Variants in PPA2 observed in about 807,000 individuals in gnomAD.
PPA2 encodes the protein inorganic pyrophosphatase 2, mitochondrial.
In PPA2, 48 loss-of-function variants were observed where a neutral mutation model predicts 49.5. That is an observed-to-expected ratio of 0.97 (90% CI 0.77 to 1.23). The LOEUF is 1.23. Ranked by LOEUF, PPA2 falls within the 50% of genes most tolerant of loss-of-function variation. The pLI is 0.00. For synonymous variants in PPA2, 131 were observed against 139.9 expected, an observed-to-expected ratio of 0.94 and a Z score of 0.45; for missense variants, 429 against 410.1, an observed-to-expected ratio of 1.05 and a Z score of -0.40.
At chr4:105,369,948 C>G (rs1332999606) in intron 11 of PPA2, among the ~76,000 whole-genome samples, 195 bp from the exon 12 acceptor site, 5 of 152,168 alleles carry the variant, frequency 3.3e-5, no homozygotes, top group African/African-American at 1.2e-4. Context: ...TCATTTGGCC[C>G]AAGCCTTATA....
intron 7 of PPA2, among the ~76,000 whole-genome samples, chr4:105,409,718 C>G (rs975393477): frequency 3.3e-5 from 5 of 152,222 alleles, no homozygotes; most frequent in African/African-American, 1.2e-4. Flanking sequence ...GCAGTATTTG[C>G]TGTTCTGCAA....
chr4:105,373,766 T>TACAC (rs36109695), intron 10 of PPA2, among the ~76,000 whole-genome samples: 19,619 of 148,254 alleles, frequency 0.13, 1,332 homozygotes, highest in African/African-American at 0.15. Flanking sequence ...TATATTTAAA[T>TACAC]ACACACACAC....
At chr4:105,376,107 C>T (rs1733237621) in intron 10 of PPA2, among the ~76,000 whole-genome samples, 1 of 152,196 alleles carries the variant, frequency 6.6e-6, no homozygotes, top group African/African-American at 2.4e-5. Flanking sequence ...CAGCTAAAGT[C>T]CTTCACCCGG....
At chr4:105,415,061 T>G (rs571647940) in intron 7 of PPA2, among the ~76,000 whole-genome samples, 23 of 152,108 alleles carry the variant, frequency 1.5e-4, no homozygotes, top group Middle Eastern at 3.2e-3. Context: ...TTTTATGGGC[T>G]CAGGAGGGAG....
intron 6 of PPA2, among the ~76,000 whole-genome samples, chr4:105,429,634 AT>A (rs903474440): frequency 4.6e-5 from 7 of 152,184 alleles, no homozygotes; most frequent in Admixed American, 1.3e-4. Flanking sequence ...AACTGAAGTT[AT>A]TTACATATCT....
chr4:105,400,229 T>A (rs540099291), intron 7 of PPA2, among the ~76,000 whole-genome samples: 17 of 152,262 alleles, frequency 1.1e-4, no homozygotes, highest in Non-Finnish European at 2.1e-4. Flanking sequence ...CAGGGATGTT[T>A]TGCAAAAATT....
Position 105,446,398 on chromosome 4 carries a change from A to G in PPA2, c.426T>C (p.Tyr142=), listed in dbSNP as rs763124366. Residue 142 remains tyrosine (Y), a synonymous_variant, in exon 5 of 12, where the codon TAT becomes TAC. Coordinates refer to ENST00000341695, the MANE Select transcript of PPA2 (RefSeq NM_176869.3). The part of the protein sequence containing the change: ...IFPYKGYIWN[Y]GTLPQTWEDP... Reference sequence around the variant, plus strand: ...AAAATGTTACCTGAGGGAGGGTACCATAATTCCATATATAACCCTTGTAAG... The same window carrying G: ...AAAATGTTACCTGAGGGAGGGTACCGTAATTCCATATATAACCCTTGTAAG... The G allele has an allele frequency of 1.3e-6, 2 of 1,573,798 alleles. No individual in the cohort carries two copies. The highest frequency in any genetic ancestry group is 1.8e-5 in the Admixed American group (1 of 54,256).
At chr4:105,451,314 C>G (rs148554925) in intron 3 of PPA2, among the ~76,000 whole-genome samples, 2 of 152,176 alleles carry the variant, frequency 1.3e-5, no homozygotes, top group African/African-American at 4.8e-5. Context: ...AGATATTGAG[C>G]CATAAAAGTA....
chr4:105,461,366 T>C (rs1457592064), intron 1 of PPA2, among the ~76,000 whole-genome samples: 3 of 152,230 alleles, frequency 2.0e-5, no homozygotes, highest in Non-Finnish European at 4.4e-5. Context: ...AAACCCTCAC[T>C]GCACATTCTC....
chr4:105,444,798 AAAC>A (rs1293579696), intron 5 of PPA2, among the ~76,000 whole-genome samples: 2 of 152,228 alleles, frequency 1.3e-5, no homozygotes, highest in Non-Finnish European at 1.5e-5. Context: ...ATCAGACTAA[AAAC>A]AACTTTAGGG....
chr4:105,442,915 GAC>G (rs1724432768), intron 5 of PPA2, among the ~76,000 whole-genome samples: 1 of 152,096 alleles, frequency 6.6e-6, no homozygotes, highest in African/African-American at 2.4e-5. Context: ...AAACAAATGT[GAC>G]ACACATACAC....
chr4:105,467,475 T>C (rs564515590), intron 1 of PPA2, among the ~76,000 whole-genome samples: 5 of 152,372 alleles, frequency 3.3e-5, no homozygotes, highest in African/African-American at 9.6e-5. Flanking sequence ...GGACCTTACA[T>C]GCTATGGTAC....
At chr4:105,443,591 TCACACACACACACACACACA>T (rs56765056) in intron 5 of PPA2, among the ~76,000 whole-genome samples, 18 of 145,516 alleles carry the variant, frequency 1.2e-4, no homozygotes, top group East Asian at 2.0e-4. Flanking sequence ...TATGGTGTAT[TCACACACACACACACACACA>T]CACACACACA....
At chr4:105,405,425 A>G (rs73838088) in intron 7 of PPA2, 68,117 of 816,628 alleles carry the variant, frequency 0.083, 2,929 homozygotes, top group Middle Eastern at 0.12. Context: ...ATATTATTAC[A>G]ATTTAGTTCT....
Position 105,369,643 on chromosome 4 carries a change from A to G in PPA2, c.*82T>C, listed in dbSNP as rs114230015. The G allele has an allele frequency of 2.4e-3, 2,621 of 1,103,820 alleles. 40 individuals carry two copies. In the African/African-American group the frequency reaches 0.038, roughly 16 times the overall value. 68.4% of individuals were successfully genotyped at this position (1,103,820 alleles called of 1,614,324 possible). On this transcript the variant is annotated 3_prime_UTR_variant, in exon 12 of 12. Transcript: ENST00000341695. The stretch of plus-strand genomic sequence containing the variant: ...AATGAAGTTTTAACAGGAAGTCAGT[A>G]AATGCTCATAGACCCCCTTGTCTCT...
intron 9 of PPA2, among the ~76,000 whole-genome samples, chr4:105,391,435 A>G (rs1733918433): frequency 6.6e-6 from 1 of 151,508 alleles, no homozygotes. Flanking sequence ...AAGAATTTAG[A>G]TGAATTGAAT....
intron 1 of PPA2, chr4:105,473,348 G>A (rs1723606114): frequency 3.4e-6 from 1 of 297,448 alleles, no homozygotes; most frequent in Non-Finnish European, 6.6e-6. Flanking sequence ...ACCAAGTCAA[G>A]CTTCTGGGGA....
At position 105,373,407 on chromosome 4, in the gene PPA2, T is replaced by G. The variant is rs559443150; in HGVS notation, c.940-2534A>C. Among the ~76,000 whole-genome samples the G allele has an allele frequency of 3.9e-5, 6 of 152,252 alleles. No homozygotes were observed. The South Asian group carries it at 1.2e-3, about 32-fold the overall frequency. ...TGAAATTGCTATATACTCCTTAAAT[T>G]GTGCAGGATGCCTATTTGTGTCCTG... On this transcript the variant is annotated intron_variant, in intron 10 of 11. Coordinates refer to ENST00000341695, the MANE Select transcript of PPA2 (RefSeq NM_176869.3).
intron 4 of PPA2, 65 bp from the exon 5 acceptor site, chr4:105,446,567 A>G: frequency 6.7e-7 from 1 of 1,496,872 alleles, no homozygotes; most frequent in Admixed American, 2.3e-5. Flanking sequence ...ATGTCCAAAT[A>G]GTACTTTTAA....
Sources: allele counts gnomAD v4.1 joint callset (sites outside exome capture counted in the v4.1 genomes callset), GRCh38; gene constraint gnomAD v4.1.1; transcripts MANE v1.5; gene names NCBI Gene and HGNC (gene_info 2026-07-23, HGNC 2026-07-21).